LTN1: variants seen among roughly 807,000 people sequenced by gnomAD.
The protein encoded by LTN1 is listerin E3 ubiquitin protein ligase 1.
A neutral mutation model predicts 201.2 loss-of-function variants in LTN1; 88 were observed. The observed-to-expected ratio is 0.44, with a 90% CI of 0.37 to 0.52. LTN1 has a LOEUF of 0.52. LTN1 is among the 20% of genes least tolerant of loss of function. The pLI, the probability that LTN1 is intolerant of heterozygous loss-of-function variation, is 0.00. For missense variants in LTN1, 1,752 were observed against 2,038.7 expected, an observed-to-expected ratio of 0.86 and a Z score of 2.71; for synonymous variants, 645 against 713.5, an observed-to-expected ratio of 0.90 and a Z score of 1.53.
intron 7 of LTN1, 38 bp from the exon 8 acceptor site, chr21:28,970,780 A>C: frequency 3.3e-5 from 48 of 1,451,870 alleles, no homozygotes; most frequent in Non-Finnish European, 4.3e-5. Context: ...ATTAGAGATC[A>C]TAAACATACT....
Position 28,966,608 on chromosome 21 carries a change from C to T in LTN1, c.1883G>A (p.Arg628Gln), listed in dbSNP as rs753088081. ...STLLDSFSSS[R>Q]VFKMLLGDEK... ...ATCACCAAGTAGCATTTTAAATACTCGGCTTGAAGAAAAGGAGTCAAGCAG... is the reference window on the plus strand; with the variant it reads ...ATCACCAAGTAGCATTTTAAATACTTGGCTTGAAGAAAAGGAGTCAAGCAG... Residue 628 changes from arginine to glutamine, a missense_variant, in exon 10 of 30, where the codon CGA becomes CAA. By Grantham distance (43) the Arg-to-Gln change is conservative. Coordinates refer to ENST00000361371, the MANE Select transcript of LTN1 (RefSeq NM_015565.3). 33 of 1,614,020 alleles carry T rather than the reference C, an allele frequency of 2.0e-5. No homozygotes were observed. The highest frequency in any genetic ancestry group is 1.2e-4 in the African/African-American group (9 of 75,014).
At chr21:28,943,474 A>AG in intron 23 of LTN1, 138 bp from the exon 24 acceptor site, 1 of 681,050 alleles carries the variant, frequency 1.5e-6, no homozygotes, top group South Asian at 2.0e-5. Flanking sequence ...TACTATAGCC[A>AG]GGACTATTGA....
chr21:28,958,866 T>A (rs1236464357), intron 13 of LTN1, among the ~76,000 whole-genome samples: 1 of 150,944 alleles, frequency 6.6e-6, no homozygotes, highest in African/African-American at 2.4e-5. Context: ...CAGAAGTTAG[T>A]ATTTAAGAAA....
At chr21:28,963,642 C>T (rs539287989) in intron 11 of LTN1, among the ~76,000 whole-genome samples, 2 of 152,286 alleles carry the variant, frequency 1.3e-5, no homozygotes, top group South Asian at 4.1e-4. Context: ...GCCCATGAAT[C>T]AGAGTAATTT....
intron 18 of LTN1, among the ~76,000 whole-genome samples, chr21:28,951,366 G>T (rs998822866): frequency 6.6e-6 from 1 of 152,146 alleles, no homozygotes; most frequent in Non-Finnish European, 1.5e-5. Context: ...TAATTTGAAT[G>T]CTGAGCTTCA....
intron 28 of LTN1, among the ~76,000 whole-genome samples, chr21:28,932,234 A>G (rs1005219517): frequency 6.6e-5 from 10 of 152,232 alleles, no homozygotes; most frequent in African/African-American, 2.4e-4. Context: ...CACCTTCTAC[A>G]GTGTTAATGA....
intron 22 of LTN1, among the ~76,000 whole-genome samples, chr21:28,944,178 C>G (rs892928952): frequency 2.6e-5 from 4 of 152,192 alleles, no homozygotes; most frequent in Non-Finnish European, 5.9e-5. Flanking sequence ...TAATTTGCAA[C>G]AGTCATTGGA....
intron 23 of LTN1, 115 bp from the exon 24 acceptor site, chr21:28,943,451 T>C: frequency 1.4e-6 from 1 of 719,580 alleles, no homozygotes; most frequent in South Asian, 1.9e-5. Flanking sequence ...TAATGAGTTT[T>C]CTTTAAAATA....
In LTN1 at chr21:28,986,886, T is replaced by C; in HGVS notation, c.91A>G (p.Thr31Ala). The change falls in exon 2 of 30, where the codon ACA becomes GCA. Residue 31 changes from threonine to alanine, a missense_variant. Physicochemically the swap from Thr to Ala is moderately conservative, Grantham distance 58. Around this residue, in one of 3 missense-constraint regions of LTN1, gnomAD observed 280 missense variants for 375.7 expected, o/e 0.75. Transcript: ENST00000361371. The surrounding 1 kb of genome is among the most constrained non-coding windows in gnomAD (Gnocchi z 4.1). ...AAELLAKEQG[T>A]VPGFIGFGTS... ...CCAAAACCAATAAATCCAGGCACTG[T>C]TCCCTGTTCTTTGGCAAGGAGTTCT... The C allele has an allele frequency of 6.2e-7, 1 of 1,614,138 alleles. No individual in the cohort carries two copies. The highest frequency in any genetic ancestry group is 1.1e-5 in the South Asian group (1 of 91,082).
intron 10 of LTN1, among the ~76,000 whole-genome samples, chr21:28,966,156 T>C (rs1236940455): frequency 6.6e-6 from 1 of 152,224 alleles, no homozygotes; most frequent in African/African-American, 2.4e-5. Context: ...ATGTATAGAT[T>C]AAAAGAATTC....
At chr21:28,944,038 A>G (rs1045648390) in intron 22 of LTN1, 134 bp from the exon 23 acceptor site, 2 of 648,244 alleles carry the variant, frequency 3.1e-6, no homozygotes, top group Non-Finnish European at 2.7e-6. Context: ...AGTCTTAACT[A>G]GAAACATGAA....
chr21:28,941,503 C>T lies in LTN1; in HGVS notation c.4296-97G>A, dbSNP rs1004953290. The T allele has an allele frequency of 4.0e-6, 4 of 996,354 alleles. No individual in the cohort carries two copies. In the African/African-American group the frequency reaches 6.7e-5, roughly 17 times the overall value. The allele number at this position is 996,354 out of a possible 1,614,324, so 61.7% of individuals were successfully genotyped here. Reference sequence around the variant, plus strand: ...AACTTCAAGCATTTTAGAAAAATTTCTCTGTTTTCCAAAAAACGTTTTAAA... The same window carrying T: ...AACTTCAAGCATTTTAGAAAAATTTTTCTGTTTTCCAAAAAACGTTTTAAA... On this transcript the variant is annotated intron_variant, in intron 24 of 29. Transcript: ENST00000361371.
chr21:28,943,197 A>G, intron 24 of LTN1, 65 bp downstream of exon 24: 1 of 954,974 alleles, frequency 1.0e-6, no homozygotes, highest in East Asian at 2.6e-5. Context: ...TCAGTCCTCT[A>G]AAGACATTAT....
chr21:28,930,614 T>C, intron 29 of LTN1, 104 bp from the exon 30 acceptor site: 1 of 709,582 alleles, frequency 1.4e-6, no homozygotes, highest in East Asian at 2.8e-5. Flanking sequence ...AATGATAAAG[T>C]GAAAAGGGAA....
intron 6 of LTN1, among the ~76,000 whole-genome samples, chr21:28,978,247 G>A (rs1333885578): frequency 1.3e-5 from 2 of 152,244 alleles, no homozygotes; most frequent in East Asian, 3.9e-4. Context: ...GTCCAGGCTG[G>A]TTTGGAACTC....
chr21:28,983,702 AG>A (rs1306166442), intron 4 of LTN1, among the ~76,000 whole-genome samples: 12 of 152,212 alleles, frequency 7.9e-5, no homozygotes. Context: ...GAAGGAAAGC[AG>A]GGGGAGAGGG....
In LTN1 at chr21:28,991,758, C is replaced by T. The variant is rs1029905249; in HGVS notation, c.42+1006G>A. ...AATTGTTAATACTGTTATTATCTTCCAAAACAGATTAAGTGACAGATCTAA... is the reference window on the plus strand; with the variant it reads ...AATTGTTAATACTGTTATTATCTTCTAAAACAGATTAAGTGACAGATCTAA... On this transcript the variant is annotated intron_variant, in intron 1 of 29. Coordinates refer to ENST00000361371, the MANE Select transcript of LTN1 (RefSeq NM_015565.3). Among the ~76,000 whole-genome samples the T allele has an allele frequency of 3.9e-5, 6 of 152,068 alleles. No individual in the cohort carries two copies. In the East Asian group the frequency reaches 1.2e-3, roughly 29 times the overall value.
At chr21:28,941,101 TA>T in intron 25 of LTN1, 118 bp downstream of exon 25, 1 of 703,698 alleles carries the variant, frequency 1.4e-6, no homozygotes, top group Non-Finnish European at 2.3e-6. Context: ...AAATAAATTT[TA>T]AAAGATGAGA....
At chr21:28,947,262 C>A (rs189140871) in intron 19 of LTN1, among the ~76,000 whole-genome samples, 1 of 152,096 alleles carries the variant, frequency 6.6e-6, no homozygotes. Context: ...TATTTCTGGG[C>A]GTAAGTCTTC....
Sources: gnomAD v4.1 joint callset for allele counts (sites outside exome capture counted in the v4.1 genomes callset) on GRCh38, gnomAD v4.1.1 for gene constraint, gnomAD v4.1.1 regional missense constraint, Gnocchi (gnomAD v3.1) non-coding constraint, MANE v1.5 for transcripts, NCBI Gene and HGNC (gene_info 2026-07-23, HGNC 2026-07-21) for gene names.